C9orf85: variants seen among roughly 807,000 people sequenced by gnomAD.
C9orf85 encodes the protein chromosome 9 open reading frame 85.
Under a neutral mutation model 14.9 loss-of-function variants are expected in C9orf85, and 16 were observed. The ratio of observed to expected loss-of-function variants is 1.08; its 90% CI spans 0.73 to 1.63. The LOEUF (loss-of-function observed/expected upper bound fraction) is 1.63, where lower values mean the gene tolerates loss of function less well. C9orf85 is among the 40% of genes most tolerant of loss of function. The probability of loss-of-function intolerance (pLI) is 0.00; values close to 1 mark genes in which losing one functional copy is unlikely to be tolerated. For missense variants in C9orf85, 172 were observed against 186.1 expected (o/e 0.92, Z 0.44); for synonymous variants, 45 against 56.8 (o/e 0.79, Z 0.93).
At chr9:71,940,758 A>G (rs1282135624) in intron 1 of C9orf85, among the ~76,000 whole-genome samples, 1 of 152,214 alleles carries the variant, frequency 6.6e-6, no homozygotes. Context: ...ATGTCCACAC[A>G]AAAACTCGTA....
intron 2 of C9orf85, among the ~76,000 whole-genome samples, chr9:71,955,955 A>C (rs1401248980): frequency 6.6e-6 from 1 of 152,174 alleles, no homozygotes; most frequent in Non-Finnish European, 1.5e-5. Context: ...AACCACTTTG[A>C]CTTGCCTCCA....
chr9:71,984,552 G>A (rs1823174532), downstream of C9orf85: 1 of 152,242 alleles, frequency 6.6e-6, no homozygotes, highest in Non-Finnish European at 1.5e-5. Flanking sequence ...GAGCCACTAA[G>A]GCAGGCCAAA....
intron 1 of C9orf85, among the ~76,000 whole-genome samples, chr9:71,917,773 C>T (rs1827688270): frequency 6.6e-6 from 1 of 152,130 alleles, no homozygotes; most frequent in Non-Finnish European, 1.5e-5. Context: ...GTGGCAGGAG[C>T]AGTGAAGATT....
At chr9:71,929,349 G>C (rs1828015310) in intron 1 of C9orf85, among the ~76,000 whole-genome samples, 2 of 152,188 alleles carry the variant, frequency 1.3e-5, no homozygotes, top group African/African-American at 4.8e-5. Flanking sequence ...GGTTGGACAA[G>C]ATCTCAAATG....
intron 1 of C9orf85, among the ~76,000 whole-genome samples, chr9:71,928,845 A>G (rs1827996078): frequency 6.6e-6 from 1 of 152,214 alleles, no homozygotes; most frequent in Admixed American, 6.5e-5. Flanking sequence ...AAGAATATAT[A>G]TTAATTTTAT....
At chr9:71,978,202 C>T (rs1469904984), downstream of C9orf85, among the ~76,000 whole-genome samples, 1 of 152,138 alleles carries the variant, frequency 6.6e-6, no homozygotes, top group Admixed American at 6.5e-5. Context: ...CTCTGCCTCC[C>T]GGTTTCAAGA....
intron 2 of C9orf85, among the ~76,000 whole-genome samples, chr9:71,953,823 GCA>G (rs1468393023): frequency 2.6e-5 from 4 of 152,086 alleles, no homozygotes; most frequent in African/African-American, 9.7e-5. Context: ...AGGGAGGCAG[GCA>G]CAGTCGCTCA....
At chr9:71,932,372 A>G (rs1828090967) in intron 1 of C9orf85, among the ~76,000 whole-genome samples, 1 of 152,172 alleles carries the variant, frequency 6.6e-6, no homozygotes, top group Non-Finnish European at 1.5e-5. Context: ...TAGGTTGTCA[A>G]AGTGTTGTCT....
intron 2 of C9orf85, among the ~76,000 whole-genome samples, chr9:71,964,161 G>GT (rs1170282403): frequency 5.3e-5 from 8 of 152,058 alleles, no homozygotes; most frequent in African/African-American, 1.9e-4. Flanking sequence ...TAGACACTCT[G>GT]TATCTAGCTA....
intron 1 of C9orf85, among the ~76,000 whole-genome samples, chr9:71,916,547 T>G (rs1351843107): frequency 6.6e-6 from 1 of 152,198 alleles, no homozygotes; most frequent in African/African-American, 2.4e-5. Flanking sequence ...ATTGAACTAA[T>G]TTGTTGTGGA....
chr9:71,941,794 AT>A (rs1362793026), intron 1 of C9orf85: 3 of 152,250 alleles, frequency 2.0e-5, no homozygotes, highest in Admixed American at 1.3e-4. Context: ...GTTATCTTTC[AT>A]TTTTCTTAGG....
Position 71,917,922 on chromosome 9 carries a change from C to T in C9orf85, c.102+6086C>T, listed in dbSNP as rs138555633. 5.3e-5 allele frequency among the ~76,000 whole-genome samples: 8 copies of T among 152,336 alleles called. No individual in the cohort carries two copies. The East Asian group carries it at 1.3e-3, about 26-fold the overall frequency. On this transcript the variant is annotated intron_variant, in intron 1 of 3. Coordinates refer to ENST00000334731, the MANE Select transcript of C9orf85 (RefSeq NM_182505.5). ...AGAAGGCTGGGCACAGTGGCTCATG[C>T]CTGTAATCACAGCACTTTGGGAGGC...
intron 3 of C9orf85, among the ~76,000 whole-genome samples, chr9:71,979,837 G>T (rs937602177): frequency 6.6e-6 from 1 of 152,172 alleles, no homozygotes; most frequent in South Asian, 2.1e-4. Flanking sequence ...ACTAAAAATA[G>T]AAAGTGAATT....
chr9:71,932,953 A>T (rs1828105338), intron 1 of C9orf85, among the ~76,000 whole-genome samples: 1 of 152,196 alleles, frequency 6.6e-6, no homozygotes, highest in Admixed American at 6.5e-5. Context: ...GAAATTCTGG[A>T]GCTGAAAGTA....
At chr9:71,967,713 CTT>C (rs55750667) in intron 2 of C9orf85, among the ~76,000 whole-genome samples, 57 of 94,076 alleles carry the variant, frequency 6.1e-4, no homozygotes, top group African/African-American at 1.2e-3. Flanking sequence ...TATGACCTTT[CTT>C]TTTTTTTTTT....
intron 2 of C9orf85, among the ~76,000 whole-genome samples, chr9:71,947,654 CT>C (rs1822135726): frequency 7.3e-6 from 1 of 136,904 alleles, no homozygotes; most frequent in East Asian, 2.2e-4. Flanking sequence ...TTCTTTCTTT[CT>C]TTTTTGAGAT....
chr9:71,963,332 G>A (rs1822577647), intron 2 of C9orf85, among the ~76,000 whole-genome samples: 1 of 152,082 alleles, frequency 6.6e-6, no homozygotes, highest in Non-Finnish European at 1.5e-5. Context: ...TTCCAAGATG[G>A]CGGTGTGCTG....
chr9:71,984,338 A>G (rs925562487), downstream of C9orf85: 1 of 152,218 alleles, frequency 6.6e-6, no homozygotes, highest in Non-Finnish European at 1.5e-5. Flanking sequence ...CTGCACCTGC[A>G]ATCTCTGGTT....
At chr9:71,946,112 A>G (rs1405601780) in intron 1 of C9orf85, among the ~76,000 whole-genome samples, 2 of 152,262 alleles carry the variant, frequency 1.3e-5, no homozygotes, top group African/African-American at 2.4e-5. Flanking sequence ...ATACAAATAC[A>G]TATTATTTAA....
Sources: allele counts gnomAD v4.1 joint callset (sites outside exome capture counted in the v4.1 genomes callset), GRCh38; gene constraint gnomAD v4.1.1; transcripts MANE v1.5; gene names NCBI Gene and HGNC (gene_info 2026-07-23, HGNC 2026-07-21).